Variants in TENM1 observed in about 807,000 individuals in gnomAD.
TENM1 encodes the protein teneurin transmembrane protein 1, also known as teneurin-1.
A neutral mutation model predicts 174.8 loss-of-function variants in TENM1; 35 were observed. The observed-to-expected ratio is 0.20, with a 90% CI of 0.15 to 0.27. TENM1 has a LOEUF of 0.27. Ranked by LOEUF, TENM1 falls within the 10% of genes least tolerant of loss-of-function variation. TENM1 has a pLI of 1.00. For synonymous variants in TENM1, 781 were observed against 798.7 expected (o/e 0.98, Z 0.37); for missense variants, 1,633 against 2,130.1 (o/e 0.77, Z 4.59).
At chrX:125,008,277 A>G in the TENM1 span, among the ~76,000 whole-genome samples, 2 of 111,289 alleles carry the variant, frequency 1.8e-5, no homozygotes, top group Admixed American at 1.9e-4. Flanking sequence ...AAAATCAAAA[A>G]GACAAAAAAG....
chrX:124,806,358 T>A (rs138667582), intron 3 of TENM1, among the ~76,000 whole-genome samples: 75 of 111,741 alleles, frequency 6.7e-4, no homozygotes, highest in Non-Finnish European at 1.3e-3. Context: ...TCATTGGATT[T>A]TAAGATGGAG....
intron 3 of TENM1, among the ~76,000 whole-genome samples, chrX:124,762,431 G>A (rs1221517484): frequency 8.9e-6 from 1 of 112,205 alleles, no homozygotes; most frequent in African/African-American, 3.2e-5. Flanking sequence ...TTCTAAGACA[G>A]ATGGTTTTAA....
intron 3 of TENM1, among the ~76,000 whole-genome samples, chrX:124,828,884 C>A (rs1253462389): frequency 8.9e-6 from 1 of 111,930 alleles, no homozygotes; most frequent in Non-Finnish European, 1.9e-5. Flanking sequence ...TTGAAACACA[C>A]CACTATATTT....
At chrX:124,841,476 C>T (rs775480577) in intron 3 of TENM1, among the ~76,000 whole-genome samples, 1 of 111,217 alleles carries the variant, frequency 9.0e-6, no homozygotes, top group South Asian at 3.9e-4. Flanking sequence ...CAAAACAAGG[C>T]GCAGAGGAGT....
chrX:124,660,888 T>C (rs187537455), intron 6 of TENM1, among the ~76,000 whole-genome samples: 1 of 111,905 alleles, frequency 8.9e-6, no homozygotes, highest in African/African-American at 3.3e-5. Context: ...TGGTGTATAC[T>C]CCAAAGAATT....
chrX:124,502,501 G>A (rs1195190828), intron 19 of TENM1, among the ~76,000 whole-genome samples: 1 of 112,282 alleles, frequency 8.9e-6, no homozygotes, highest in African/African-American at 3.2e-5. Flanking sequence ...GAAAAGAAAC[G>A]GCTGCTTAAA....
At chrX:125,041,816 T>C in the TENM1 span, among the ~76,000 whole-genome samples, 1,651 of 111,435 alleles carry the variant, frequency 0.015, 36 homozygotes, top group African/African-American at 0.051. Context: ...TACCACTTAA[T>C]AGTACATCTC....
At chrX:124,918,325 G>A (rs922585617) in intron 1 of TENM1, among the ~76,000 whole-genome samples, 1 of 110,074 alleles carries the variant, frequency 9.1e-6, no homozygotes, top group Non-Finnish European at 1.9e-5. Context: ...GACTACAGGC[G>A]CGTGCCACCA....
intron 4 of TENM1, among the ~76,000 whole-genome samples, chrX:124,732,415 C>T (rs2053584458): frequency 8.9e-6 from 1 of 111,752 alleles, no homozygotes; most frequent in Admixed American, 9.5e-5. Flanking sequence ...TGCTGAGAGT[C>T]CCATCTAAGG....
the TENM1 span, among the ~76,000 whole-genome samples, chrX:125,058,370 A>G: frequency 8.9e-6 from 1 of 112,130 alleles, no homozygotes; most frequent in East Asian, 2.8e-4. Flanking sequence ...CAAAGGGAGT[A>G]TAAATTGGCC....
At chrX:125,101,373 A>C in the TENM1 span, among the ~76,000 whole-genome samples, 1 of 111,900 alleles carries the variant, frequency 8.9e-6, no homozygotes. Context: ...CCTGCAGAAG[A>C]CCATAAAATA....
exon 27 of TENM1, chrX:124,405,181 T>G: frequency 8.3e-7 from 1 of 1,211,872 alleles, no homozygotes; most frequent in Non-Finnish European, 1.1e-6. Flanking sequence ...TGTGGGGCTC[T>G]GAGCTGAGGC....
chrX:124,994,231 TTTTTTTTG>T, the TENM1 span, among the ~76,000 whole-genome samples: 4 of 90,645 alleles, frequency 4.4e-5, no homozygotes, highest in African/African-American at 9.0e-5. Flanking sequence ...TTTTTTTTTT[TTTTTTTTG>T]GCAATTGACC....
At chrX:125,000,464 G>A in the TENM1 span, among the ~76,000 whole-genome samples, 1 of 111,405 alleles carries the variant, frequency 9.0e-6, no homozygotes, top group East Asian at 2.8e-4. Context: ...TTGTTTTATA[G>A]GATTTATATT....
chrX:124,778,883 T>C (rs1463129375), intron 3 of TENM1, among the ~76,000 whole-genome samples: 1 of 111,948 alleles, frequency 8.9e-6, no homozygotes, highest in East Asian at 2.8e-4. Context: ...AAAATTTAAG[T>C]GAAAATTATA....
At position 124,511,946 on chromosome X, in the gene TENM1, G is replaced by A. The variant is rs1322393066; in HGVS notation, c.3302-8243C>T. On this transcript the variant is annotated intron_variant, in intron 18 of 31. Transcript: ENST00000422452. ...AGTTTTCCCAGAAACACCATTCTTC[G>A]TTGCCAAACTACTATACTAAATAAT... Among the ~76,000 whole-genome samples the A allele has an allele frequency of 6.3e-5, 7 of 111,579 alleles. No individual in the cohort carries two copies. In the East Asian group the frequency reaches 8.4e-4, roughly 13 times the overall value.
intron 3 of TENM1, among the ~76,000 whole-genome samples, chrX:124,759,944 G>A (rs756423637): frequency 4.5e-5 from 5 of 111,475 alleles, no homozygotes; most frequent in South Asian, 7.6e-4. Context: ...AAGAGTCCCC[G>A]GCAAAACCCT....
chrX:125,059,707 G>GT, the TENM1 span, among the ~76,000 whole-genome samples: 2 of 111,073 alleles, frequency 1.8e-5, no homozygotes, highest in South Asian at 7.6e-4. Flanking sequence ...ATCATGCAAT[G>GT]TTTTTTCCTT....
chrX:124,527,952 G>T (rs370293791), intron 16 of TENM1, among the ~76,000 whole-genome samples: 1 of 106,344 alleles, frequency 9.4e-6, no homozygotes, highest in Non-Finnish European at 1.9e-5. Context: ...CACCGTGCCC[G>T]GCCGACCTCA....
Sources: allele counts gnomAD v4.1 joint callset (sites outside exome capture counted in the v4.1 genomes callset), GRCh38; gene constraint gnomAD v4.1.1; transcripts MANE v1.5; gene names NCBI Gene and HGNC (gene_info 2026-07-23, HGNC 2026-07-21).